The following KIAA2012 variants were observed in gnomAD, a reference collection of about 807,000 sequenced individuals.
The protein encoded by KIAA2012 is uncharacterized protein KIAA2012.
KIAA2012 carries 125 observed loss-of-function variants against 150.6 expected under a neutral mutation model. That is an observed-to-expected ratio of 0.83 (90% CI 0.72 to 0.96). The LOEUF (loss-of-function observed/expected upper bound fraction) is 0.96. KIAA2012 is among the 40% of genes least tolerant of loss of function. The pLI is 0.00. For synonymous variants in KIAA2012, 462 were observed against 504.7 expected (o/e 0.92, Z 1.13); for missense variants, 1,219 against 1,354.9 (o/e 0.90, Z 1.57).
chr2:202,170,059 C>G (rs1691853689), intron 15 of KIAA2012, among the ~76,000 whole-genome samples: 1 of 152,194 alleles, frequency 6.6e-6, no homozygotes, highest in African/African-American at 2.4e-5. Context: ...CCCCCACTTC[C>G]GGGGAAGGCT....
At position 202,185,458 on chromosome 2, in the gene KIAA2012, A is replaced by G. The variant is rs372112004; in HGVS notation, c.2210+615A>G. Reference sequence around the variant, plus strand: ...CTGTCACCTGCCCAGGGATGTAAGGATTCCCTCCTAGGTCAAAAAGGTTTT... The same window carrying G: ...CTGTCACCTGCCCAGGGATGTAAGGGTTCCCTCCTAGGTCAAAAAGGTTTT... On this transcript the variant is annotated intron_variant, in intron 16 of 23. Transcript: ENST00000498697. Among the ~76,000 whole-genome samples the G allele has an allele frequency of 2.0e-5, 3 of 152,258 alleles. No homozygotes were observed. The East Asian group carries it at 5.8e-4, about 29-fold the overall frequency.
At chr2:202,117,352 G>C (rs1690552519) in intron 11 of KIAA2012, among the ~76,000 whole-genome samples, 1 of 152,188 alleles carries the variant, frequency 6.6e-6, no homozygotes, top group Non-Finnish European at 1.5e-5. Flanking sequence ...CTAAGTGACT[G>C]TTCTCCCATT....
At chr2:202,189,254 G>A (rs965727313) in intron 18 of KIAA2012, among the ~76,000 whole-genome samples, 17 of 151,616 alleles carry the variant, frequency 1.1e-4, no homozygotes, top group African/African-American at 4.1e-4. Context: ...CCTACCCTCC[G>A]GACGGTCCTG....
At chr2:202,118,267 T>TGTTACCAACATTA (rs1337956566) in intron 11 of KIAA2012, among the ~76,000 whole-genome samples, 3 of 152,124 alleles carry the variant, frequency 2.0e-5, no homozygotes, top group Non-Finnish European at 4.4e-5. Flanking sequence ...TGTTGGCAGG[T>TGTTACCAACATTA]GTTACCAGTA....
intron 6 of KIAA2012, 30 bp from the exon 7 acceptor site, chr2:202,100,277 T>C: frequency 6.5e-7 from 1 of 1,542,384 alleles, no homozygotes; most frequent in Non-Finnish European, 8.8e-7. Flanking sequence ...CTGCAATTAA[T>C]ATATTCTCAT....
At position 202,177,847 on chromosome 2, in the gene KIAA2012, G is replaced by A. The variant is rs147098488; in HGVS notation, c.2120-6906G>A. On this transcript the variant is annotated intron_variant, in intron 15 of 23. Coordinates refer to ENST00000498697, the MANE Select transcript of KIAA2012 (RefSeq NM_001277372.4). ...AGGAGACGATAACATTCACACCATAGTAGCATGTGATAAATGAAGTCTTGG... is the reference window on the plus strand; with the variant it reads ...AGGAGACGATAACATTCACACCATAATAGCATGTGATAAATGAAGTCTTGG... Among the ~76,000 whole-genome samples the A allele has an allele frequency of 7.0e-4, 106 of 152,274 alleles. 4 individuals are homozygous for A. In the East Asian group the frequency reaches 0.019, roughly 28 times the overall value.
At chr2:202,105,645 A>G (rs1690166866) in intron 8 of KIAA2012, 116 bp from the exon 9 acceptor site, 1 of 1,347,962 alleles carries the variant, frequency 7.4e-7, no homozygotes, top group Non-Finnish European at 1.0e-6. Context: ...GCAAATGGAC[A>G]CTGCTCCAAC....
intron 8 of KIAA2012, among the ~76,000 whole-genome samples, 167 bp from the exon 9 acceptor site, chr2:202,105,594 T>C (rs1690164659): frequency 6.6e-6 from 1 of 152,206 alleles, no homozygotes; most frequent in Non-Finnish European, 1.5e-5. Context: ...AATGAGGTAC[T>C]CTCATGCCAG....
chr2:202,103,732 T>C (rs1690110684), intron 8 of KIAA2012, among the ~76,000 whole-genome samples: 1 of 152,250 alleles, frequency 6.6e-6, no homozygotes, highest in Non-Finnish European at 1.5e-5. Flanking sequence ...GCAGAGATTA[T>C]GTGCTTCTAA....
intron 13 of KIAA2012, among the ~76,000 whole-genome samples, chr2:202,146,628 T>G (rs1424845565): frequency 1.4e-5 from 1 of 73,156 alleles, no homozygotes; most frequent in Non-Finnish European, 2.3e-5. Context: ...CAAGACTCCA[T>G]CTCAAAAAAA....
chr2:202,201,317 T>C (rs1692519084), intron 22 of KIAA2012: 1 of 1,586,098 alleles, frequency 6.3e-7, no homozygotes, highest in Non-Finnish European at 8.6e-7. Context: ...CTACAGCAGT[T>C]ACATTGTGAG....
intron 11 of KIAA2012, among the ~76,000 whole-genome samples, chr2:202,123,539 C>T (rs1388142387): frequency 6.6e-6 from 1 of 152,152 alleles, no homozygotes; most frequent in African/African-American, 2.4e-5. Flanking sequence ...TCGGTGCGCA[C>T]GTGACCGTGT....
intron 7 of KIAA2012, among the ~76,000 whole-genome samples, chr2:202,101,096 C>T (rs1690033131): frequency 6.6e-6 from 1 of 152,208 alleles, no homozygotes; most frequent in South Asian, 2.1e-4. Flanking sequence ...ACTCTGAGCA[C>T]AGTGACTTTA....
Position 202,138,509 on chromosome 2 carries a change from G to C in KIAA2012, c.1908+1G>C, listed in dbSNP as rs1350030522. ...GTTGACCCAAACAACAGAGAAGCAG[G>C]TATAGTATTGACTCTGAATGAGGAT... On this transcript the variant is annotated splice_donor_variant, in intron 13 of 23. Coordinates refer to ENST00000498697, the MANE Select transcript of KIAA2012 (RefSeq NM_001277372.4). LOFTEE classifies it high-confidence loss of function. The C allele has an allele frequency of 1.3e-6, 2 of 1,547,578 alleles. No individual in the cohort carries two copies. Among genetic ancestry groups the C allele is most frequent in the East Asian group, 2.4e-5 (1 of 40,892 alleles).
chr2:202,132,487 CA>C (rs1464349500), intron 12 of KIAA2012, among the ~76,000 whole-genome samples: 3 of 151,286 alleles, frequency 2.0e-5, no homozygotes, highest in East Asian at 2.0e-4. Context: ...GCCAACATGG[CA>C]AAACCCCGTC....
In KIAA2012 at chr2:202,097,433, A is replaced by G; in HGVS notation, c.686-2A>G. 1.3e-6 allele frequency: 2 copies of G among 1,550,464 alleles called. No individual in the cohort carries two copies. Among genetic ancestry groups the G allele is most frequent in the Non-Finnish European group, 1.7e-6 (2 of 1,146,928 alleles). On this transcript the variant is annotated splice_acceptor_variant, in intron 4 of 23. Transcript: ENST00000498697. LOFTEE classifies it high-confidence loss of function. ...AAGCTGACCCATTGTTCACCATTGC[A>G]GGTCAACAGGGCCTGGATGAAGGGG...
chr2:202,102,512 A>C (rs2105922671), intron 7 of KIAA2012, among the ~76,000 whole-genome samples: 2 of 152,326 alleles, frequency 1.3e-5, no homozygotes, highest in South Asian at 4.1e-4. Flanking sequence ...GTCAGCAATC[A>C]CAAATGCTAT....
At chr2:202,133,109 A>AAATATATATATATATATAT (rs766606713) in intron 12 of KIAA2012, among the ~76,000 whole-genome samples, 1 of 87,882 alleles carries the variant, frequency 1.1e-5, no homozygotes, top group African/African-American at 4.6e-5. Flanking sequence ...TCTAAAAAAA[A>AAATATATATATATATATAT]ATATATATAT....
chr2:202,181,340 T>G (rs1004058129), intron 15 of KIAA2012, among the ~76,000 whole-genome samples: 1 of 152,160 alleles, frequency 6.6e-6, no homozygotes, highest in Admixed American at 6.5e-5. Context: ...CTTTGGGAAG[T>G]TGAGGCAGGA....
Sources: gnomAD v4.1 joint callset for allele counts (sites outside exome capture counted in the v4.1 genomes callset) on GRCh38, gnomAD v4.1.1 for gene constraint, MANE v1.5 for transcripts, NCBI Gene and HGNC (gene_info 2026-07-23, HGNC 2026-07-21) for gene names.